Variants in MYT1L observed in about 807,000 individuals in gnomAD.
MYT1L encodes the protein myelin transcription factor 1-like protein.
A neutral mutation model predicts 126.7 loss-of-function variants in MYT1L; 12 were observed. That is an observed-to-expected ratio of 0.09 (90% CI 0.06 to 0.15). The LOEUF is 0.15. MYT1L is among the 10% of genes least tolerant of loss of function. The pLI, the probability that MYT1L is intolerant of heterozygous loss-of-function variation, is 1.00. For synonymous variants in MYT1L, 541 were observed against 604.2 expected, an observed-to-expected ratio of 0.90 and a Z score of 1.53; for missense variants, 979 against 1,585.2, an observed-to-expected ratio of 0.62 and a Z score of 6.49.
At chr2:1,865,052 GGTGCTCTT>G (rs2045271093) in intron 18 of MYT1L, among the ~76,000 whole-genome samples, 1 of 152,204 alleles carries the variant, frequency 6.6e-6, no homozygotes, top group Non-Finnish European at 1.5e-5. Flanking sequence ...GTCCCCACCA[GGTGCTCTT>G]GTGGGGAGGC....
chr2:1,836,712 C>A (rs2040950875), intron 21 of MYT1L, among the ~76,000 whole-genome samples: 1 of 150,096 alleles, frequency 6.7e-6, no homozygotes, highest in African/African-American at 2.5e-5. Context: ...CATCAGCCTG[C>A]ATCCCAAAAT....
chr2:2,276,238 C>G (rs999505184), intron 2 of MYT1L, among the ~76,000 whole-genome samples: 1 of 152,076 alleles, frequency 6.6e-6, no homozygotes, highest in Non-Finnish European at 1.5e-5. Flanking sequence ...GGGTGTACAC[C>G]CTTGCGTGCC....
intron 2 of MYT1L, among the ~76,000 whole-genome samples, chr2:2,280,566 T>C (rs993347097): frequency 3.3e-5 from 5 of 152,170 alleles, no homozygotes; most frequent in African/African-American, 9.7e-5. Context: ...CTGCCTCAGG[T>C]CTCTCCTGCT....
intron 3 of MYT1L, among the ~76,000 whole-genome samples, chr2:2,159,188 A>G (rs1303170590): frequency 6.6e-6 from 1 of 152,116 alleles, no homozygotes; most frequent in African/African-American, 2.4e-5. Context: ...GGTGACGGTG[A>G]CAGACCTGCT....
intron 2 of MYT1L, among the ~76,000 whole-genome samples, chr2:2,230,754 T>G (rs2094142248): frequency 2.6e-5 from 4 of 152,182 alleles, no homozygotes; most frequent in Admixed American, 2.6e-4. Flanking sequence ...CGCTGAAAGA[T>G]TCCACTCCAA....
intron 2 of MYT1L, among the ~76,000 whole-genome samples, chr2:2,236,138 C>A (rs145017983): frequency 0.013 from 2,034 of 150,964 alleles, 16 homozygotes; most frequent in Non-Finnish European, 0.021. Flanking sequence ...ACATCCCAAC[C>A]CAACCCAGTA....
At chr2:2,240,189 T>C (rs568566616) in intron 2 of MYT1L, among the ~76,000 whole-genome samples, 5 of 151,978 alleles carry the variant, frequency 3.3e-5, no homozygotes, top group Non-Finnish European at 7.4e-5. Flanking sequence ...TCCCAGCTAC[T>C]TGAGAGGCAG....
intron 2 of MYT1L, among the ~76,000 whole-genome samples, chr2:2,232,983 T>G (rs574417238): frequency 6.6e-6 from 1 of 152,284 alleles, no homozygotes; most frequent in African/African-American, 2.4e-5. Context: ...GAATTTAGCT[T>G]GAAAAATCAC....
chr2:2,135,122 G>A (rs1347873070), intron 3 of MYT1L, among the ~76,000 whole-genome samples: 1 of 152,098 alleles, frequency 6.6e-6, no homozygotes, highest in Non-Finnish European at 1.5e-5. Context: ...AGCTATCTGT[G>A]TGATATGGTT....
intron 3 of MYT1L, among the ~76,000 whole-genome samples, chr2:2,169,412 A>T (rs1282505754): frequency 6.6e-6 from 1 of 152,116 alleles, no homozygotes; most frequent in East Asian, 1.9e-4. Flanking sequence ...GTCAACTAAT[A>T]CTCTGTGTTT....
intron 14 of MYT1L, among the ~76,000 whole-genome samples, chr2:1,901,198 C>T (rs985061519): frequency 6.6e-5 from 10 of 152,212 alleles, no homozygotes; most frequent in Non-Finnish European, 1.5e-4. Flanking sequence ...AGCCCCCTTT[C>T]CTTCTCAGGC....
chr2:2,244,832 C>T (rs1047129760), intron 2 of MYT1L, among the ~76,000 whole-genome samples: 12 of 152,212 alleles, frequency 7.9e-5, no homozygotes, highest in African/African-American at 2.9e-4. Flanking sequence ...TGCAAACTGA[C>T]GGCTAGAGAT....
At chr2:1,837,591 T>C (rs1279786987) in intron 21 of MYT1L, among the ~76,000 whole-genome samples, 5 of 152,036 alleles carry the variant, frequency 3.3e-5, no homozygotes, top group Non-Finnish European at 7.4e-5. Flanking sequence ...GCGGAGTTCT[T>C]TGTAACAATC....
intron 2 of MYT1L, among the ~76,000 whole-genome samples, chr2:2,210,610 T>G (rs997952921): frequency 6.6e-6 from 1 of 152,190 alleles, no homozygotes; most frequent in Non-Finnish European, 1.5e-5. Context: ...GCCAGTTCCA[T>G]GCTGTTTTGA....
rs1424851180 is a variant in MYT1L, at chr2:1,887,641, G to A, written c.2521-32C>T. On this transcript the variant is annotated intron_variant, in intron 16 of 24. Coordinates refer to ENST00000647738, the MANE Select transcript of MYT1L (RefSeq NM_001303052.2). The surrounding 1 kb of genome is among the most constrained non-coding windows in gnomAD (Gnocchi z 4.8). The stretch of plus-strand genomic sequence containing the variant: ...GCAAAACACAGCTTCAGAGCCACAC[G>A]GATGATCACATGGCACACAGACTGA... The A allele has an allele frequency of 8.1e-6, 13 of 1,613,644 alleles. No homozygotes were observed. In the East Asian group the frequency reaches 1.6e-4, roughly 19 times the overall value.
chr2:2,038,896 T>A (rs1228557834), intron 4 of MYT1L, among the ~76,000 whole-genome samples: 6 of 152,098 alleles, frequency 3.9e-5, no homozygotes, highest in Admixed American at 3.9e-4. Context: ...CATCACTCTT[T>A]CCAGGGCCTC....
chr2:1,828,948 C>G (rs977996660), intron 21 of MYT1L, among the ~76,000 whole-genome samples: 4 of 152,154 alleles, frequency 2.6e-5, no homozygotes, highest in Non-Finnish European at 5.9e-5. Flanking sequence ...AGTTTGGAGA[C>G]TCTTCTTAAA....
At chr2:2,122,866 TGTGTGTGA>T (rs1559076478) in intron 3 of MYT1L, among the ~76,000 whole-genome samples, 2 of 146,322 alleles carry the variant, frequency 1.4e-5, no homozygotes, top group African/African-American at 5.4e-5. Context: ...TGTGTGTGTG[TGTGTGTGA>T]GAGAGAGAGA....
chr2:2,077,772 C>T (rs116209174), intron 3 of MYT1L, among the ~76,000 whole-genome samples: 1 of 152,084 alleles, frequency 6.6e-6, no homozygotes, highest in Non-Finnish European at 1.5e-5. Context: ...TAAATAAAAA[C>T]AGAGAATTTA....
Sources: allele counts gnomAD v4.1 joint callset (sites outside exome capture counted in the v4.1 genomes callset), GRCh38; gene constraint gnomAD v4.1.1; non-coding constraint Gnocchi (gnomAD v3.1); transcripts MANE v1.5; gene names NCBI Gene and HGNC (gene_info 2026-07-23, HGNC 2026-07-21).